Variants in GABRA5 observed in about 807,000 individuals in gnomAD.
GABRA5 encodes gamma-aminobutyric acid type A receptor subunit alpha5, also known as gamma-aminobutyric acid receptor subunit alpha-5.
A neutral mutation model predicts 47.3 loss-of-function variants in GABRA5; 18 were observed. The ratio of observed to expected loss-of-function variants is 0.38; its 90% CI spans 0.26 to 0.56. GABRA5 has a LOEUF of 0.56. GABRA5 is among the 20% of genes least tolerant of loss of function. GABRA5 has a pLI of 0.71. For synonymous variants in GABRA5, 237 were observed against 229.3 expected (o/e 1.03, Z -0.30); for missense variants, 365 against 599.3 (o/e 0.61, Z 4.08).
chr15:26,885,796 CAG>C (rs2140259887), intron 6 of GABRA5, among the ~76,000 whole-genome samples: 1 of 152,150 alleles, frequency 6.6e-6, no homozygotes, highest in Admixed American at 6.5e-5. Flanking sequence ...GGTGTGGAGA[CAG>C]AGGCCGAGGT....
intron 6 of GABRA5, among the ~76,000 whole-genome samples, chr15:26,900,288 G>T (rs1216815128): frequency 6.6e-6 from 1 of 151,830 alleles, no homozygotes; most frequent in Non-Finnish European, 1.5e-5. Context: ...ATTATTTTAT[G>T]CATTATTAAA....
At position 26,949,197 on chromosome 15, in the gene GABRA5, T is replaced by G. The variant is rs1196167615; in HGVS notation, c.*964T>G. 6.6e-6 allele frequency: 1 copy of G among 152,172 alleles called. No individual in the cohort carries two copies. Among genetic ancestry groups the G allele is most frequent in the Non-Finnish European group, 1.5e-5 (1 of 68,020 alleles). The allele number at this position is 152,172 out of a possible 1,614,324, so 9.4% of individuals were successfully genotyped here. A position where few individuals can be genotyped will look rare whatever the true frequency, so the allele number is the denominator to read the frequency against. On this transcript the variant is annotated 3_prime_UTR_variant, in exon 11 of 11. Transcript: ENST00000335625. ...GTTCATTAAAAAATAAAAAATGAAC[T>G]GATCTTGTGGACATATAGGATTCTT...
chr15:26,914,736 C>T (rs892064473), intron 6 of GABRA5, 67 bp from the exon 7 acceptor site: 38 of 1,230,050 alleles, frequency 3.1e-5, no homozygotes, highest in Non-Finnish European at 4.1e-5. Context: ...TTCTGGGACA[C>T]GATGGTGGCT....
chr15:26,891,831 T>TC (rs1287503038), intron 6 of GABRA5, among the ~76,000 whole-genome samples: 1 of 152,096 alleles, frequency 6.6e-6, no homozygotes, highest in Non-Finnish European at 1.5e-5. Context: ...ATCCCTCCCC[T>TC]CCCGGCCAGC....
intron 7 of GABRA5, among the ~76,000 whole-genome samples, chr15:26,924,430 G>A (rs1482784767): frequency 6.6e-6 from 1 of 152,118 alleles, no homozygotes; most frequent in African/African-American, 2.4e-5. Context: ...GCCAAGTGGT[G>A]GAGAAAGTTT....
chr15:26,918,458 A>G (rs901813558), intron 7 of GABRA5, among the ~76,000 whole-genome samples: 1 of 152,128 alleles, frequency 6.6e-6, no homozygotes, highest in African/African-American at 2.4e-5. Flanking sequence ...TGCAGGTGAA[A>G]TGTTTTATGT....
intron 6 of GABRA5, among the ~76,000 whole-genome samples, chr15:26,892,732 C>A (rs1027229721): frequency 6.6e-6 from 1 of 152,202 alleles, no homozygotes; most frequent in Non-Finnish European, 1.5e-5. Context: ...GGGGCTGTTA[C>A]TTTCCGTTAG....
chr15:26,878,196 A>G (rs1892644551), intron 3 of GABRA5, among the ~76,000 whole-genome samples: 2 of 152,240 alleles, frequency 1.3e-5, no homozygotes, highest in Admixed American at 1.3e-4. Context: ...TTGTTTTTCA[A>G]GTGCTTTCAA....
chr15:26,935,611 C>T lies in GABRA5; in HGVS notation c.581-1574C>T, dbSNP rs1423591406. 2.0e-5 allele frequency among the ~76,000 whole-genome samples: 3 copies of T among 152,224 alleles called. No individual in the cohort carries two copies. In the East Asian group the frequency reaches 5.8e-4, roughly 29 times the overall value. On this transcript the variant is annotated intron_variant, in intron 7 of 10. Coordinates refer to ENST00000335625, the MANE Select transcript of GABRA5 (RefSeq NM_000810.4). ...AGGAGCCATCAGTGACTGTGCCGTC[C>T]CCAGTCCGATTGAGGAAAGTGATGA...
chr15:26,917,714 T>A (rs1281916287), intron 7 of GABRA5, among the ~76,000 whole-genome samples: 1 of 152,090 alleles, frequency 6.6e-6, no homozygotes, highest in Non-Finnish European at 1.5e-5. Flanking sequence ...TTGGGAGGTT[T>A]TTGATTATAG....
At chr15:26,903,090 C>T (rs1483814188) in intron 6 of GABRA5, among the ~76,000 whole-genome samples, 2 of 151,932 alleles carry the variant, frequency 1.3e-5, no homozygotes, top group African/African-American at 2.4e-5. Flanking sequence ...AGTTATTTTT[C>T]CTGATCCTCT....
intron 6 of GABRA5, among the ~76,000 whole-genome samples, chr15:26,892,642 T>C (rs1180280756): frequency 1.3e-5 from 2 of 152,256 alleles, no homozygotes; most frequent in African/African-American, 4.8e-5. Context: ...TAAAGTTTTA[T>C]TATTGAAATT....
At chr15:26,925,432 A>G (rs1893936994) in intron 7 of GABRA5, among the ~76,000 whole-genome samples, 1 of 152,196 alleles carries the variant, frequency 6.6e-6, no homozygotes, top group Non-Finnish European at 1.5e-5. Flanking sequence ...CAATAAATTC[A>G]TTATTCAGTA....
chr15:26,911,373 A>G lies in GABRA5; in HGVS notation c.498-3430A>G, dbSNP rs901220109. On this transcript the variant is annotated intron_variant, in intron 6 of 10. Coordinates refer to ENST00000335625, the MANE Select transcript of GABRA5 (RefSeq NM_000810.4). Reference sequence around the variant, plus strand: ...CCCTGCCCCCACCCTTGCTGCATGCACACACACACACACACACACACACAA... The same window carrying G: ...CCCTGCCCCCACCCTTGCTGCATGCGCACACACACACACACACACACACAA... Among the ~76,000 whole-genome samples, 331 of 118,012 alleles carry G rather than the reference A, an allele frequency of 2.8e-3. 2 individuals are homozygous for G. Among genetic ancestry groups the G allele is most frequent in the African/African-American group, 9.0e-3 (288 of 31,894 alleles). 77.4% of individuals were successfully genotyped at this position (118,012 alleles called of 152,430 possible).
At chr15:26,874,344 T>G (rs1353317638) in intron 3 of GABRA5, among the ~76,000 whole-genome samples, 1 of 152,124 alleles carries the variant, frequency 6.6e-6, no homozygotes, top group African/African-American at 2.4e-5. Flanking sequence ...ACTGTTTAAT[T>G]TACACAAAAT....
intron 7 of GABRA5, among the ~76,000 whole-genome samples, chr15:26,921,184 C>G (rs1044871293): frequency 6.6e-6 from 1 of 151,908 alleles, no homozygotes; most frequent in Non-Finnish European, 1.5e-5. Flanking sequence ...CTAGAAAATA[C>G]TGTATAGAAT....
intron 9 of GABRA5, among the ~76,000 whole-genome samples, chr15:26,942,498 G>A (rs1370075345): frequency 1.3e-5 from 2 of 152,206 alleles, no homozygotes; most frequent in Admixed American, 6.5e-5. Context: ...CTGTTTGCAG[G>A]GAGCCCTCTA....
chr15:26,878,237 T>C (rs1892645408), intron 3 of GABRA5, among the ~76,000 whole-genome samples: 1 of 152,234 alleles, frequency 6.6e-6, no homozygotes, highest in Non-Finnish European at 1.5e-5. Flanking sequence ...CAAGCTGAAG[T>C]TCCTCCTTAG....
In GABRA5 at chr15:26,897,199, C is replaced by T. The variant is rs576969930; in HGVS notation, c.497+13642C>T. ...TTGCTTCCAAATTCTTAAGTCCTAA[C>T]CTCTCAGTTGTCAGAATGCGACTGC... On this transcript the variant is annotated intron_variant, in intron 6 of 10. Transcript: ENST00000335625. Among the ~76,000 whole-genome samples the T allele has an allele frequency of 2.2e-4, 33 of 152,222 alleles. 1 individual carries two copies. In the South Asian group the frequency reaches 6.0e-3, roughly 28 times the overall value.
Sources: allele counts gnomAD v4.1 joint callset (sites outside exome capture counted in the v4.1 genomes callset), GRCh38; gene constraint gnomAD v4.1.1; transcripts MANE v1.5; gene names NCBI Gene and HGNC (gene_info 2026-07-23, HGNC 2026-07-21).